The following CBLN2 variants were observed in gnomAD, a reference collection of about 807,000 sequenced individuals.
The protein encoded by CBLN2 is cerebellin 2 precursor, also known as cerebellin-2.
A neutral mutation model predicts 15.0 loss-of-function variants in CBLN2; 7 were observed. The ratio of observed to expected loss-of-function variants is 0.47; its 90% CI spans 0.27 to 0.88. The LOEUF (loss-of-function observed/expected upper bound fraction) is 0.88. Ranked by LOEUF, CBLN2 falls within the 40% of genes least tolerant of loss-of-function variation. The pLI, the probability that CBLN2 is intolerant of heterozygous loss-of-function variation, is 0.14. For missense variants in CBLN2, 242 were observed against 304.5 expected (o/e 0.79, Z 1.53); for synonymous variants, 149 against 135.2 (o/e 1.10, Z -0.71).
chr18:72,633,962 CAG>C (rs1288013592), intron 1 of CBLN2, among the ~76,000 whole-genome samples: 1 of 151,980 alleles, frequency 6.6e-6, no homozygotes, highest in African/African-American at 2.4e-5. Flanking sequence ...AGCAATCACA[CAG>C]GGGACAAACT....
At chr18:72,625,817 T>TA (rs2069734918) in intron 1 of CBLN2, among the ~76,000 whole-genome samples, 1 of 52,684 alleles carries the variant, frequency 1.9e-5, no homozygotes, top group South Asian at 7.2e-4. Flanking sequence ...TCTCTCTCTC[T>TA]CTATATATAT....
At chr18:72,564,873 A>G (rs775619470) in intron 1 of CBLN2, among the ~76,000 whole-genome samples, 3 of 152,194 alleles carry the variant, frequency 2.0e-5, no homozygotes, top group Non-Finnish European at 4.4e-5. Flanking sequence ...GTCAAAACCC[A>G]AAGTCAGAGA....
At chr18:72,619,205 C>T in intron 1 of CBLN2, 1 of 917,090 alleles carries the variant, frequency 1.1e-6, no homozygotes, top group Non-Finnish European at 1.7e-6. Context: ...GTAGCTATGG[C>T]AGTGGCAGAA....
At chr18:72,603,591 A>G (rs1432914193) in intron 1 of CBLN2, among the ~76,000 whole-genome samples, 2 of 152,304 alleles carry the variant, frequency 1.3e-5, no homozygotes, top group East Asian at 1.9e-4. Context: ...TAAAAATAAT[A>G]TATATCTTCC....
chr18:72,632,465 T>A (rs112918270), intron 1 of CBLN2, among the ~76,000 whole-genome samples: 2 of 152,210 alleles, frequency 1.3e-5, no homozygotes, highest in Non-Finnish European at 2.9e-5. Flanking sequence ...ATGTATATGC[T>A]TTATAAATAA....
At chr18:72,574,745 G>A (rs745839145) in intron 1 of CBLN2, among the ~76,000 whole-genome samples, 2 of 152,174 alleles carry the variant, frequency 1.3e-5, no homozygotes, top group African/African-American at 4.8e-5. Flanking sequence ...ATGGGAAAGC[G>A]GTGCTGGGTG....
chr18:72,562,107 G>A (rs73966257), intron 1 of CBLN2, among the ~76,000 whole-genome samples: 4,870 of 152,236 alleles, frequency 0.032, 143 homozygotes, highest in African/African-American at 0.08. Flanking sequence ...CCATGCACAC[G>A]TTTGGGACTT....
At chr18:72,607,300 C>T (rs2069589590) in intron 1 of CBLN2, among the ~76,000 whole-genome samples, 1 of 152,168 alleles carries the variant, frequency 6.6e-6, no homozygotes, top group African/African-American at 2.4e-5. Flanking sequence ...TTAAGCCATC[C>T]TTAGCAGATG....
chr18:72,626,053 C>T (rs1376718869), intron 1 of CBLN2, among the ~76,000 whole-genome samples: 1 of 151,682 alleles, frequency 6.6e-6, no homozygotes, highest in Admixed American at 6.6e-5. Flanking sequence ...GTGAGAGCAA[C>T]GTCTCCATAA....
chr18:72,605,331 A>C (rs1568129609), intron 1 of CBLN2, among the ~76,000 whole-genome samples: 1 of 152,164 alleles, frequency 6.6e-6, no homozygotes. Flanking sequence ...AGAGATACTT[A>C]ATGGTTTTTT....
intron 1 of CBLN2, among the ~76,000 whole-genome samples, chr18:72,631,446 AC>A (rs2069775932): frequency 6.7e-6 from 1 of 149,232 alleles, no homozygotes; most frequent in Non-Finnish European, 1.5e-5. Flanking sequence ...AAAAAAAAAA[AC>A]TTTCCCTATT....
At chr18:72,598,944 T>C (rs559653106) in intron 1 of CBLN2, among the ~76,000 whole-genome samples, 1 of 152,186 alleles carries the variant, frequency 6.6e-6, no homozygotes, top group Non-Finnish European at 1.5e-5. Context: ...AACGGTGTTG[T>C]AGGCAATTCA....
chr18:72,615,570 C>A (rs1050100996), intron 1 of CBLN2, among the ~76,000 whole-genome samples: 4 of 152,066 alleles, frequency 2.6e-5, no homozygotes, highest in African/African-American at 9.6e-5. Flanking sequence ...AGCCACCGTG[C>A]CTGGCCCAAG....
At chr18:72,608,389 G>A (rs11151779) in intron 1 of CBLN2, among the ~76,000 whole-genome samples, 19,138 of 152,090 alleles carry the variant, frequency 0.13, 2,815 homozygotes, top group African/African-American at 0.36. Flanking sequence ...GTCTCACATC[G>A]TTGGCTTCTT....
chr18:72,578,888 C>T (rs1340459236), intron 1 of CBLN2, among the ~76,000 whole-genome samples: 1 of 152,138 alleles, frequency 6.6e-6, no homozygotes, highest in African/African-American at 2.4e-5. Flanking sequence ...CCTTTTTCCT[C>T]CTGAAAGCAC....
rs952760072 is a variant in CBLN2 at position 72,543,041 on chromosome 18, CTT to C, written c.-167+443_-167+444del. On this transcript the variant is annotated intron_variant, in intron 2 of 4. Transcript: ENST00000269503. The surrounding 1 kb of genome is among the most constrained non-coding windows in gnomAD (Gnocchi z 6.8). ...TGGGTGAAACCCCTGGGATTCCTCT[CTT>C]AGGCGAAGGACCGATTCCAACGACG... 1 of 157,088 alleles carries C rather than the reference CTT, an allele frequency of 6.4e-6. No homozygotes were observed. The highest frequency in any genetic ancestry group is 1.4e-5 in the Non-Finnish European group (1 of 71,382). 9.7% of individuals were successfully genotyped at this position (157,088 alleles called of 1,614,324 possible).
chr18:72,625,782 A>G (rs1401734569), intron 1 of CBLN2, among the ~76,000 whole-genome samples: 2 of 98,988 alleles, frequency 2.0e-5, no homozygotes, highest in African/African-American at 8.3e-5. Context: ...GACTATATAT[A>G]TATGACTCTC....
intron 1 of CBLN2, among the ~76,000 whole-genome samples, chr18:72,623,208 G>A (rs2144969028): frequency 6.6e-6 from 1 of 152,194 alleles, no homozygotes; most frequent in South Asian, 2.1e-4. Flanking sequence ...CCTCCCACCA[G>A]TCCCCTCCTT....
chr18:72,629,977 A>T (rs1484870586), intron 1 of CBLN2, among the ~76,000 whole-genome samples: 1 of 152,206 alleles, frequency 6.6e-6, no homozygotes, highest in South Asian at 2.1e-4. Flanking sequence ...ACCAAAGTGG[A>T]AGTTATAAAA....
Sources: gnomAD v4.1 joint callset for allele counts (sites outside exome capture counted in the v4.1 genomes callset) on GRCh38, gnomAD v4.1.1 for gene constraint, Gnocchi (gnomAD v3.1) non-coding constraint, MANE v1.5 for transcripts, NCBI Gene and HGNC (gene_info 2026-07-23, HGNC 2026-07-21) for gene names.